LRRC4C: variants seen among roughly 807,000 people sequenced by gnomAD.
LRRC4C encodes leucine-rich repeat-containing protein 4C.
A neutral mutation model predicts 33.6 loss-of-function variants in LRRC4C; 5 were observed. That is an observed-to-expected ratio of 0.15 (90% CI 0.08 to 0.31). LRRC4C has a LOEUF of 0.31. LRRC4C is among the 10% of genes least tolerant of loss of function. LRRC4C has a pLI of 1.00. For missense variants in LRRC4C, 560 were observed against 796.7 expected, an observed-to-expected ratio of 0.70 and a Z score of 3.58; for synonymous variants, 329 against 302.0, an observed-to-expected ratio of 1.09 and a Z score of -0.93.
intron 2 of LRRC4C, among the ~76,000 whole-genome samples, chr11:40,808,036 T>C (rs1327842384): frequency 6.6e-6 from 1 of 152,216 alleles, no homozygotes; most frequent in Non-Finnish European, 1.5e-5. Flanking sequence ...TAATAACCTG[T>C]GTCTTGGCTT....
intron 1 of LRRC4C, among the ~76,000 whole-genome samples, chr11:41,415,618 A>T (rs2138263865): frequency 6.6e-6 from 1 of 152,180 alleles, no homozygotes; most frequent in South Asian, 2.1e-4. Flanking sequence ...GGATGGGTAA[A>T]AGCCTCGAGT....
chr11:40,718,980 A>T (rs1946869803), intron 2 of LRRC4C, among the ~76,000 whole-genome samples: 1 of 152,198 alleles, frequency 6.6e-6, no homozygotes, highest in Non-Finnish European at 1.5e-5. Flanking sequence ...CCTCCTTCTC[A>T]TATAAAACCT....
intron 5 of LRRC4C, among the ~76,000 whole-genome samples, chr11:40,154,693 C>T (rs574827247): frequency 1.3e-5 from 2 of 152,222 alleles, no homozygotes; most frequent in South Asian, 2.1e-4. Context: ...CTGGAACTCC[C>T]AAATTTATAC....
intron 2 of LRRC4C, among the ~76,000 whole-genome samples, chr11:40,786,094 AAAGTT>A (rs1185975439): frequency 1.3e-5 from 2 of 152,204 alleles, no homozygotes; most frequent in Admixed American, 1.3e-4. Flanking sequence ...GATGAAAGAC[AAAGTT>A]AATTAGCTCT....
At chr11:40,699,340 T>A (rs1332572628) in intron 2 of LRRC4C, among the ~76,000 whole-genome samples, 33 of 152,080 alleles carry the variant, frequency 2.2e-4, no homozygotes, top group Non-Finnish European at 7.3e-5. Flanking sequence ...AGAGATTGAT[T>A]CAGCTCAGCA....
At chr11:41,354,823 C>T (rs967635112) in intron 1 of LRRC4C, among the ~76,000 whole-genome samples, 1 of 151,980 alleles carries the variant, frequency 6.6e-6, no homozygotes, top group African/African-American at 2.4e-5. Flanking sequence ...AAACTGTACT[C>T]ATTTCACCAT....
chr11:41,314,042 A>G (rs916614889), intron 1 of LRRC4C, among the ~76,000 whole-genome samples: 2 of 152,184 alleles, frequency 1.3e-5, no homozygotes, highest in Non-Finnish European at 2.9e-5. Flanking sequence ...TTGAAGTCCA[A>G]GGGACTTGGG....
chr11:41,235,401 G>T (rs919482199), intron 1 of LRRC4C, among the ~76,000 whole-genome samples: 1 of 151,988 alleles, frequency 6.6e-6, no homozygotes, highest in Admixed American at 6.6e-5. Context: ...CACTTCACCT[G>T]CATGAAGCAG....
At chr11:40,801,910 A>T (rs553531459) in intron 2 of LRRC4C, among the ~76,000 whole-genome samples, 9 of 152,262 alleles carry the variant, frequency 5.9e-5, no homozygotes, top group African/African-American at 2.2e-4. Context: ...AAGAAGGGAG[A>T]ATCTAAATTA....
chr11:40,991,208 A>T lies in LRRC4C; in HGVS notation c.-495-57485T>A, dbSNP rs915231526. Among the ~76,000 whole-genome samples the T allele has an allele frequency of 2.5e-3, 346 of 140,612 alleles. 3 individuals are homozygous for T. In the South Asian group the frequency reaches 0.033, roughly 14 times the overall value. 92.2% of individuals were successfully genotyped at this position (140,612 alleles called of 152,430 possible). A position where few individuals can be genotyped will look rare whatever the true frequency, so the allele number is the denominator to read the frequency against. Reference sequence around the variant, plus strand: ...ACCTGGCAGCTTCCCAATATGTAAAAAAAAAAAAAAAAAAAAAAAAATCTA... The same window carrying T: ...ACCTGGCAGCTTCCCAATATGTAAATAAAAAAAAAAAAAAAAAAAAATCTA... On this transcript the variant is annotated intron_variant, in intron 1 of 6. Coordinates refer to ENST00000528697, the MANE Select transcript of LRRC4C (RefSeq NM_001258419.2).
At position 40,527,950 on chromosome 11, in the gene LRRC4C, T is replaced by TG. The variant is rs548322950; in HGVS notation, c.-270+120191dup. Among the ~76,000 whole-genome samples the TG allele has an allele frequency of 3.4e-4, 52 of 152,194 alleles. No individual in the cohort carries two copies. In the East Asian group the frequency reaches 8.8e-3, roughly 26 times the overall value. ...TAGTAGAGGTGGGGTTTCTCCATGT[T>TG]GGTTAGGCTGGTCTCGAACTCCTGA... On this transcript the variant is annotated intron_variant, in intron 3 of 6. Transcript: ENST00000528697.
At chr11:41,093,738 T>C (rs551356656) in intron 1 of LRRC4C, among the ~76,000 whole-genome samples, 4 of 152,084 alleles carry the variant, frequency 2.6e-5, no homozygotes, top group African/African-American at 7.2e-5. Context: ...TGAGATACTT[T>C]AAAATGTATA....
intron 3 of LRRC4C, among the ~76,000 whole-genome samples, chr11:40,576,133 A>T (rs913776690): frequency 1.1e-4 from 16 of 152,234 alleles, no homozygotes; most frequent in African/African-American, 3.9e-4. Flanking sequence ...ATGAAAAAAT[A>T]AAGTAAGCCA....
rs113192020 is a variant in LRRC4C at position 41,093,949 on chromosome 11, A to C, written c.-495-160226T>G. 5.1e-3 allele frequency among the ~76,000 whole-genome samples: 756 copies of C among 149,144 alleles called. 4 individuals are homozygous for C. Among genetic ancestry groups the C allele is most frequent in the African/African-American group, 8.4e-3 (339 of 40,384 alleles). On this transcript the variant is annotated intron_variant, in intron 1 of 6. Coordinates refer to ENST00000528697, the MANE Select transcript of LRRC4C (RefSeq NM_001258419.2). ...CACCAAAAAAAAAAAAAAAAAAAAAAACACACAAAAATAGCCAGGTGTAGT... is the reference window on the plus strand; with the variant it reads ...CACCAAAAAAAAAAAAAAAAAAAAACACACACAAAAATAGCCAGGTGTAGT...
At chr11:41,293,800 T>G (rs1950059690) in intron 1 of LRRC4C, among the ~76,000 whole-genome samples, 1 of 152,194 alleles carries the variant, frequency 6.6e-6, no homozygotes, top group South Asian at 2.1e-4. Context: ...TTTCACCACG[T>G]ATGCCAGGCT....
chr11:40,277,042 G>C (rs1029946090), intron 4 of LRRC4C, among the ~76,000 whole-genome samples: 2 of 152,040 alleles, frequency 1.3e-5, no homozygotes, highest in Non-Finnish European at 2.9e-5. Context: ...AGTTATGGGG[G>C]AAAAGGTCCA....
chr11:40,123,477 A>T (rs1474162946), intron 6 of LRRC4C, among the ~76,000 whole-genome samples: 2 of 152,142 alleles, frequency 1.3e-5, no homozygotes, highest in African/African-American at 4.8e-5. Context: ...AAATCAAGAA[A>T]TTAATCCCAT....
chr11:40,559,266 C>T (rs187203106), intron 3 of LRRC4C, among the ~76,000 whole-genome samples: 43 of 151,302 alleles, frequency 2.8e-4, no homozygotes, highest in African/African-American at 9.7e-4. Flanking sequence ...CACTGCAACC[C>T]CTGCCTCCCA....
chr11:40,901,870 G>A (rs778573703), intron 2 of LRRC4C, among the ~76,000 whole-genome samples: 1 of 151,834 alleles, frequency 6.6e-6, no homozygotes, highest in Non-Finnish European at 1.5e-5. Context: ...ATTTATATAT[G>A]AATATATAAC....
Sources: gnomAD v4.1 joint callset for allele counts (sites outside exome capture counted in the v4.1 genomes callset) on GRCh38, gnomAD v4.1.1 for gene constraint, MANE v1.5 for transcripts, NCBI Gene and HGNC (gene_info 2026-07-23, HGNC 2026-07-21) for gene names.